The following OSBPL9 variants were observed in gnomAD, a reference collection of about 807,000 sequenced individuals.
OSBPL9 encodes the protein oxysterol-binding protein-related protein 9.
OSBPL9 carries 40 observed loss-of-function variants against 106.6 expected under a neutral mutation model. That is an observed-to-expected ratio of 0.38 (90% CI 0.29 to 0.49). The LOEUF (loss-of-function observed/expected upper bound fraction) is 0.49, where lower values mean the gene tolerates loss of function less well. Among genes scored for constraint, OSBPL9 ranks in the 20% least tolerant of loss-of-function variants. The probability of loss-of-function intolerance (pLI) is 0.97; values close to 1 mark genes in which losing one functional copy is unlikely to be tolerated. For synonymous variants in OSBPL9, 269 were observed against 295.4 expected (o/e 0.91, Z 0.92); for missense variants, 609 against 887.2 (o/e 0.69, Z 3.98).
At chr1:51,779,567 T>C (rs1010478504) in intron 15 of OSBPL9, among the ~76,000 whole-genome samples, 1 of 152,146 alleles carries the variant, frequency 6.6e-6, no homozygotes, top group Non-Finnish European at 1.5e-5. Flanking sequence ...TTAAAAAGTT[T>C]CTGCACAGCA....
chr1:51,548,119 G>T, the OSBPL9 span, among the ~76,000 whole-genome samples: 1 of 152,054 alleles, frequency 6.6e-6, no homozygotes, highest in Non-Finnish European at 1.5e-5. Flanking sequence ...GAGGAGTATG[G>T]TTCAGTTGCA....
chr1:51,687,986 G>A (rs1654182875), intron 3 of OSBPL9, among the ~76,000 whole-genome samples: 1 of 152,156 alleles, frequency 6.6e-6, no homozygotes, highest in Non-Finnish European at 1.5e-5. Flanking sequence ...AACGGTGGTT[G>A]CTTTTACTTA....
chr1:51,613,727 TTTTC>T (rs994108186), upstream of OSBPL9, among the ~76,000 whole-genome samples: 2 of 151,654 alleles, frequency 1.3e-5, no homozygotes, highest in African/African-American at 4.9e-5. Flanking sequence ...AAGCCTTGCC[TTTTC>T]TTTCTTTTCT....
At chr1:51,519,147 G>A in the OSBPL9 span, 2 of 1,327,042 alleles carry the variant, frequency 1.5e-6, no homozygotes, top group African/African-American at 1.5e-5. Context: ...TGAGGGCGGT[G>A]GGGGAGGGGG....
chr1:51,719,228 C>T (rs182602951), intron 4 of OSBPL9, among the ~76,000 whole-genome samples: 14 of 152,292 alleles, frequency 9.2e-5, no homozygotes, highest in South Asian at 2.1e-4. Flanking sequence ...TTCATCCTTT[C>T]GGCTCTTATG....
At chr1:51,734,521 C>T (rs949301888) in intron 4 of OSBPL9, among the ~76,000 whole-genome samples, 12 of 152,184 alleles carry the variant, frequency 7.9e-5, no homozygotes, top group African/African-American at 2.4e-4. Flanking sequence ...GGTGAATACA[C>T]GGGCCCCAGG....
upstream of OSBPL9, among the ~76,000 whole-genome samples, chr1:51,612,811 C>G (rs903376597): frequency 2.0e-5 from 3 of 152,222 alleles, no homozygotes; most frequent in African/African-American, 7.2e-5. Context: ...GAGAAGTGAT[C>G]AAGACATTTA....
the OSBPL9 span, among the ~76,000 whole-genome samples, chr1:51,525,669 C>T: frequency 6.6e-6 from 1 of 152,222 alleles, no homozygotes; most frequent in Non-Finnish European, 1.5e-5. Flanking sequence ...ACCTCCACTA[C>T]CATGGCCTTT....
chr1:51,602,288 G>A (rs1216849022), intron 2 of OSBPL9, among the ~76,000 whole-genome samples: 12 of 151,872 alleles, frequency 7.9e-5, no homozygotes, highest in Non-Finnish European at 1.3e-4. Flanking sequence ...GATTACAGGC[G>A]TGAGCCACCG....
chr1:51,661,222 A>G (rs764936093), intron 2 of OSBPL9, among the ~76,000 whole-genome samples: 5 of 152,148 alleles, frequency 3.3e-5, no homozygotes, highest in Non-Finnish European at 4.4e-5. Context: ...TGAGCAATCT[A>G]TGTCTCAGAG....
the OSBPL9 span, among the ~76,000 whole-genome samples, chr1:51,525,166 A>T: frequency 6.6e-6 from 1 of 152,242 alleles, no homozygotes; most frequent in Admixed American, 6.5e-5. Context: ...CTTCAGAGTC[A>T]AATTTGATTT....
At chr1:51,658,309 C>T (rs1177267471) in intron 2 of OSBPL9, among the ~76,000 whole-genome samples, 1 of 151,906 alleles carries the variant, frequency 6.6e-6, no homozygotes, top group Non-Finnish European at 1.5e-5. Context: ...TTAGTTAATA[C>T]ATTTTGAAAA....
At chr1:51,597,584 G>A (rs1645306821) in intron 1 of OSBPL9, among the ~76,000 whole-genome samples, 1 of 151,986 alleles carries the variant, frequency 6.6e-6, no homozygotes, top group Non-Finnish European at 1.5e-5. Flanking sequence ...AGGTATATAA[G>A]TGGTATTTTA....
At chr1:51,742,112 A>G (rs1229362334) in intron 4 of OSBPL9, among the ~76,000 whole-genome samples, 1 of 152,206 alleles carries the variant, frequency 6.6e-6, no homozygotes, top group African/African-American at 2.4e-5. Context: ...AGCCAGCGCC[A>G]TGTGTGTTCA....
At chr1:51,525,349 G>A in the OSBPL9 span, among the ~76,000 whole-genome samples, 1 of 152,122 alleles carries the variant, frequency 6.6e-6, no homozygotes, top group Non-Finnish European at 1.5e-5. Flanking sequence ...CACTTAGCAG[G>A]TGCTGATAAT....
chr1:51,782,688 C>T (rs749527361), intron 17 of OSBPL9, 45 bp downstream of exon 17: 7 of 1,571,904 alleles, frequency 4.5e-6, no homozygotes, highest in Middle Eastern at 3.4e-4. Flanking sequence ...CAAAACTATT[C>T]TGTCTAAAGA....
rs147491847 is a variant in OSBPL9 at position 51,747,370 on chromosome 1, A to G, written c.462+613A>G. 4.9e-3 allele frequency among the ~76,000 whole-genome samples: 753 copies of G among 152,316 alleles called. 9 individuals are homozygous for G. Among genetic ancestry groups the G allele is most frequent in the African/African-American group, 0.018 (728 of 41,576 alleles). On this transcript the variant is annotated intron_variant, in intron 6 of 23. Transcript: ENST00000428468. ...GGTAGAAAGTTGGTTACATATGGTC[A>G]CTTCAGATACCAATAAACCAACCAG...
intron 1 of OSBPL9, among the ~76,000 whole-genome samples, chr1:51,581,306 AG>A (rs564095641): frequency 2.0e-5 from 3 of 152,102 alleles, no homozygotes; most frequent in Non-Finnish European, 4.4e-5. Flanking sequence ...AAGACCACAG[AG>A]GTAAACGGCC....
At chr1:51,562,054 C>G in the OSBPL9 span, 2 of 152,162 alleles carry the variant, frequency 1.3e-5, no homozygotes, top group African/African-American at 2.4e-5. Flanking sequence ...AACCAGTGAA[C>G]AAGGCATTAG....
Sources: gnomAD v4.1 joint callset for allele counts (sites outside exome capture counted in the v4.1 genomes callset) on GRCh38, gnomAD v4.1.1 for gene constraint, MANE v1.5 for transcripts, NCBI Gene and HGNC (gene_info 2026-07-23, HGNC 2026-07-21) for gene names.